The following KAZN variants were observed in gnomAD, a reference collection of about 807,000 sequenced individuals.
The protein encoded by KAZN is kazrin.
In KAZN, 40 loss-of-function variants were observed where a neutral mutation model predicts 87.4. The ratio of observed to expected loss-of-function variants is 0.46; its 90% CI spans 0.36 to 0.60. The LOEUF (loss-of-function observed/expected upper bound fraction) is 0.60, where lower values mean the gene tolerates loss of function less well. Ranked by LOEUF, KAZN falls within the 20% of genes least tolerant of loss-of-function variation. KAZN has a pLI of 0.00. For synonymous variants in KAZN, 466 were observed against 458.3 expected (o/e 1.02, Z -0.22); for missense variants, 898 against 1,073.9 (o/e 0.84, Z 2.29).
At chr1:14,328,077 C>T (rs1161353670) in intron 2 of KAZN, among the ~76,000 whole-genome samples, 1 of 152,134 alleles carries the variant, frequency 6.6e-6, no homozygotes, top group Non-Finnish European at 1.5e-5. Flanking sequence ...ACTTTTCACC[C>T]ACTATAGACC....
chr1:14,457,967 G>A (rs188817474), intron 2 of KAZN, among the ~76,000 whole-genome samples: 9 of 151,946 alleles, frequency 5.9e-5, no homozygotes, highest in Admixed American at 3.3e-4. Flanking sequence ...ACAGGTGCCC[G>A]CCACCATGCC....
At chr1:14,526,720 C>T (rs1272420569) in intron 2 of KAZN, among the ~76,000 whole-genome samples, 2 of 152,132 alleles carry the variant, frequency 1.3e-5, no homozygotes, top group East Asian at 3.9e-4. Flanking sequence ...AACCTCATTC[C>T]CCTGGGACCA....
At chr1:14,197,401 A>C (rs1646549440) in intron 2 of KAZN, among the ~76,000 whole-genome samples, 1 of 151,382 alleles carries the variant, frequency 6.6e-6, no homozygotes, top group Non-Finnish European at 1.5e-5. Flanking sequence ...AAAAAAAAAA[A>C]AAAAAGGCCA....
intron 2 of KAZN, among the ~76,000 whole-genome samples, chr1:14,538,199 C>T (rs1474222868): frequency 2.6e-5 from 4 of 152,144 alleles, no homozygotes; most frequent in African/African-American, 9.7e-5. Flanking sequence ...TGTCTGATTA[C>T]TATATTAGAC....
intron 2 of KAZN, among the ~76,000 whole-genome samples, chr1:14,999,101 G>A (rs759660437): frequency 1.9e-4 from 29 of 152,176 alleles, no homozygotes; most frequent in African/African-American, 3.9e-4. Flanking sequence ...CAGGAGAATC[G>A]CTTGAGCCCA....
chr1:14,639,453 G>A (rs1254900565), intron 1 of KAZN, among the ~76,000 whole-genome samples: 2 of 152,190 alleles, frequency 1.3e-5, no homozygotes, highest in African/African-American at 2.4e-5. Flanking sequence ...CTGTGGTGCT[G>A]AATGTCTGGA....
intron 10 of KAZN, among the ~76,000 whole-genome samples, chr1:15,098,463 G>A (rs370528675): frequency 2.6e-5 from 4 of 152,208 alleles, no homozygotes; most frequent in East Asian, 1.9e-4. Context: ...GGCCCCTCTC[G>A]AGTAGGTTAA....
rs79404019 is a variant in KAZN, at chr1:14,966,423, G to T, written c.418+5548G>T. ...AGTGCTGAATTCTCATCTCTGCTCC[G>T]TCTGTCTAGTGTGATTGTTGTTTTG... On this transcript the variant is annotated intron_variant, in intron 2 of 14. Transcript: ENST00000376030. Among the ~76,000 whole-genome samples, 480 of 152,264 alleles carry T rather than the reference G, an allele frequency of 3.2e-3. 3 individuals are homozygous for T. Among genetic ancestry groups the T allele is most frequent in the Middle Eastern group, 0.017 (5 of 292 alleles).
chr1:14,665,043 C>A (rs12072297), intron 1 of KAZN, among the ~76,000 whole-genome samples: 4,474 of 152,282 alleles, frequency 0.029, 91 homozygotes, highest in Middle Eastern at 0.065. Flanking sequence ...TCCTTCTGCC[C>A]AGGCATGGGA....
chr1:14,217,640 C>A (rs1335774073), intron 2 of KAZN, among the ~76,000 whole-genome samples: 1 of 152,022 alleles, frequency 6.6e-6, no homozygotes, highest in Non-Finnish European at 1.5e-5. Flanking sequence ...ATACCCAAAA[C>A]TATAATTTCA....
intron 1 of KAZN, among the ~76,000 whole-genome samples, chr1:14,698,672 G>T (rs1300799548): frequency 6.6e-6 from 1 of 152,200 alleles, no homozygotes; most frequent in Non-Finnish European, 1.5e-5. Flanking sequence ...AGAATCCTTT[G>T]TGTAACGTCT....
intron 2 of KAZN, among the ~76,000 whole-genome samples, chr1:14,574,741 C>T (rs1675076217): frequency 6.6e-6 from 1 of 152,160 alleles, no homozygotes; most frequent in South Asian, 2.1e-4. Context: ...TGCTTAGGCA[C>T]TGAGCATGCA....
At chr1:14,718,416 G>A (rs953733003) in intron 1 of KAZN, among the ~76,000 whole-genome samples, 1 of 152,198 alleles carries the variant, frequency 6.6e-6, no homozygotes, top group Non-Finnish European at 1.5e-5. Context: ...GCATGTGGAC[G>A]TCCTTGCGGG....
chr1:14,465,398 CAAA>C (rs71572107), intron 2 of KAZN, among the ~76,000 whole-genome samples: 1 of 84,812 alleles, frequency 1.2e-5, no homozygotes, highest in Admixed American at 1.5e-4. Flanking sequence ...GACTCTGTCT[CAAA>C]AAAAAAAAAA....
At chr1:14,878,308 G>GC (rs370829928) in intron 1 of KAZN, among the ~76,000 whole-genome samples, 3 of 139,158 alleles carry the variant, frequency 2.2e-5, no homozygotes, top group Admixed American at 2.1e-4. Flanking sequence ...ACAGTTCTTT[G>GC]GGGGGGTGGC....
chr1:14,091,516 G>A (rs948208938), intron 1 of KAZN, among the ~76,000 whole-genome samples: 1 of 152,164 alleles, frequency 6.6e-6, no homozygotes, highest in Non-Finnish European at 1.5e-5. Context: ...ATGGTCAGAA[G>A]TAGAAGTCAT....
intron 2 of KAZN, among the ~76,000 whole-genome samples, chr1:14,448,653 A>G (rs1057374230): frequency 3.3e-5 from 5 of 152,136 alleles, no homozygotes; most frequent in African/African-American, 1.2e-4. Flanking sequence ...AGCCCCAGAG[A>G]GGAAGTAATA....
intron 2 of KAZN, among the ~76,000 whole-genome samples, chr1:14,580,259 T>A (rs1221456685): frequency 6.6e-6 from 1 of 152,136 alleles, no homozygotes; most frequent in Non-Finnish European, 1.5e-5. Flanking sequence ...GTGGATCACC[T>A]GAGGTTGGGA....
intron 1 of KAZN, chr1:14,692,658 G>T (rs1020878139): frequency 6.6e-6 from 1 of 152,510 alleles, no homozygotes; most frequent in Non-Finnish European, 1.5e-5. Flanking sequence ...GAGGCTGGGT[G>T]CAGTGCCTCA....
Sources: gnomAD v4.1 joint callset for allele counts (sites outside exome capture counted in the v4.1 genomes callset) on GRCh38, gnomAD v4.1.1 for gene constraint, MANE v1.5 for transcripts, NCBI Gene and HGNC (gene_info 2026-07-23, HGNC 2026-07-21) for gene names.